Variants in SVIL observed in about 807,000 individuals in gnomAD.
SVIL encodes archvillin.
In SVIL, 101 loss-of-function variants were observed where a neutral mutation model predicts 240.4. The observed-to-expected ratio is 0.42, with a 90% confidence interval of 0.36 to 0.50. The LOEUF (loss-of-function observed/expected upper bound fraction) is 0.50. Among genes scored for constraint, SVIL ranks in the 20% least tolerant of loss-of-function variants. SVIL has a pLI of 0.01. For synonymous variants in SVIL, 999 were observed against 1,100.0 expected, an observed-to-expected ratio of 0.91 and a Z score of 1.82; for missense variants, 2,512 against 2,818.7, an observed-to-expected ratio of 0.89 and a Z score of 2.46.
intron 17 of SVIL, among the ~76,000 whole-genome samples, chr10:29,503,912 A>G (rs1242768649): frequency 6.6e-6 from 1 of 152,238 alleles, no homozygotes; most frequent in East Asian, 1.9e-4. Context: ...AGGGGAAGAA[A>G]AAAGTTGGAG....
intron 3 of SVIL, among the ~76,000 whole-genome samples, chr10:29,558,946 TA>T (rs1162392752): frequency 1.9e-3 from 275 of 141,820 alleles, no homozygotes; most frequent in African/African-American, 6.4e-3. Context: ...TATATATATA[TA>T]AAAAATATGG....
chr10:29,475,003 G>A (rs1946037786), intron 29 of SVIL, among the ~76,000 whole-genome samples: 1 of 152,176 alleles, frequency 6.6e-6, no homozygotes, highest in Non-Finnish European at 1.5e-5. Flanking sequence ...CAGCACAGGA[G>A]GCAGATGAGA....
Position 29,522,453 on chromosome 10 carries a change from C to T in SVIL, c.3346G>A (p.Gly1116Ser). ...GTTTTGCTGGGTGAGTCAAGAAGGC[C>T]CTCCCCTGTCGGCGTTTTGATCTCT... is the stretch of plus-strand genomic sequence containing the variant. ...AGEIKTPTGE[G>S]LLDSPSKTMS... Residue 1116 changes from glycine to serine, a missense_variant, in exon 16 of 38, where the codon GGC becomes AGC. Coordinates refer to ENST00000355867, the MANE Select transcript of SVIL (RefSeq NM_021738.3). The T allele has an allele frequency of 6.2e-7, 1 of 1,614,118 alleles. No homozygotes were observed. Among genetic ancestry groups the T allele is most frequent in the Non-Finnish European group, 8.5e-7 (1 of 1,180,032 alleles).
chr10:29,736,868 A>C (rs1021966081), upstream of SVIL: 47 of 152,300 alleles, frequency 3.1e-4, no homozygotes, highest in African/African-American at 1.1e-3. Context: ...TCGCCGCCGG[A>C]GCAGAGCCAG....
intron 1 of SVIL, among the ~76,000 whole-genome samples, chr10:29,600,638 T>C (rs140897443): frequency 1.1e-3 from 168 of 152,298 alleles, no homozygotes; most frequent in African/African-American, 3.8e-3. Flanking sequence ...TGGGGATGCA[T>C]TTTATACACA....
intron 1 of SVIL, among the ~76,000 whole-genome samples, chr10:29,731,813 T>G (rs1301890133): frequency 6.6e-6 from 1 of 152,246 alleles, no homozygotes; most frequent in Non-Finnish European, 1.5e-5. Context: ...CTTCCTTGTT[T>G]ACTGAACAAA....
intron 1 of SVIL, among the ~76,000 whole-genome samples, chr10:29,611,917 C>T (rs928910399): frequency 2.0e-5 from 3 of 152,144 alleles, no homozygotes; most frequent in Admixed American, 6.5e-5. Flanking sequence ...GGGAGAATCT[C>T]TCATTCCATG....
intron 1 of SVIL, among the ~76,000 whole-genome samples, chr10:29,623,646 T>C (rs1957750793): frequency 6.6e-6 from 1 of 152,086 alleles, no homozygotes; most frequent in Non-Finnish European, 1.5e-5. Flanking sequence ...GTCAGGAGAT[T>C]GAGACCATCC....
chr10:29,629,969 G>T (rs1958022819), intron 1 of SVIL, among the ~76,000 whole-genome samples: 1 of 131,588 alleles, frequency 7.6e-6, no homozygotes, highest in African/African-American at 2.6e-5. Flanking sequence ...GACCAGGCAA[G>T]ACTGTCTCAA....
upstream of SVIL, chr10:29,736,542 C>T (rs1964909601): frequency 6.6e-6 from 1 of 152,476 alleles, no homozygotes; most frequent in Non-Finnish European, 1.5e-5. Context: ...GCAGGTTGGC[C>T]TCTCAGGCTG....
intron 3 of SVIL, among the ~76,000 whole-genome samples, chr10:29,647,998 T>A (rs1958719747): frequency 2.1e-5 from 3 of 142,530 alleles, no homozygotes; most frequent in South Asian, 2.2e-4. Flanking sequence ...AAAAAAATCA[T>A]TACCAGAAAA....
intron 29 of SVIL, 144 bp from the exon 30 acceptor site, chr10:29,474,133 G>T: frequency 8.7e-7 from 1 of 1,155,968 alleles, no homozygotes; most frequent in Non-Finnish European, 1.2e-6. Context: ...GTTGGCACCT[G>T]GAGGGAAGGC....
intron 1 of SVIL, among the ~76,000 whole-genome samples, chr10:29,714,130 T>C (rs1023524233): frequency 2.0e-5 from 3 of 152,220 alleles, no homozygotes; most frequent in East Asian, 1.9e-4. Context: ...GCTACTCACC[T>C]AGACGGTGTC....
chr10:29,726,013 A>G (rs899731934), intron 1 of SVIL, among the ~76,000 whole-genome samples: 1 of 152,138 alleles, frequency 6.6e-6, no homozygotes, highest in African/African-American at 2.4e-5. Context: ...CCTCGACATC[A>G]TGGGCTTATG....
intron 15 of SVIL, 122 bp from the exon 16 acceptor site, chr10:29,522,757 C>T: frequency 9.0e-7 from 1 of 1,107,032 alleles, no homozygotes; most frequent in Non-Finnish European, 1.3e-6. Flanking sequence ...TGACCCAATC[C>T]ACTGGGATTT....
At chr10:29,629,599 C>A (rs1958008168) in intron 1 of SVIL, among the ~76,000 whole-genome samples, 1 of 128,726 alleles carries the variant, frequency 7.8e-6, no homozygotes, top group Admixed American at 8.6e-5. Context: ...ATGGTATGTG[C>A]CCAAGCTTGG....
At chr10:29,459,774 C>G (rs950293009) in intron 36 of SVIL, among the ~76,000 whole-genome samples, 1 of 152,128 alleles carries the variant, frequency 6.6e-6, no homozygotes, top group African/African-American at 2.4e-5. Context: ...ATTAGAAATA[C>G]ATGGAACAGA....
At chr10:29,659,361 T>C (rs903729027) in intron 2 of SVIL, among the ~76,000 whole-genome samples, 2 of 151,694 alleles carry the variant, frequency 1.3e-5, no homozygotes, top group African/African-American at 2.4e-5. Flanking sequence ...CTCCTCTCTG[T>C]TGTCTACTCA....
intron 3 of SVIL, among the ~76,000 whole-genome samples, chr10:29,641,983 C>T (rs1958500354): frequency 6.6e-6 from 1 of 152,206 alleles, no homozygotes; most frequent in African/African-American, 2.4e-5. Context: ...CTCCTATCCT[C>T]CCTCCCACCA....
Sources: gnomAD v4.1 joint callset for allele counts (sites outside exome capture counted in the v4.1 genomes callset) on GRCh38, gnomAD v4.1.1 for gene constraint, MANE v1.5 for transcripts, NCBI Gene and HGNC (gene_info 2026-07-23, HGNC 2026-07-21) for gene names.